The following KHDRBS2 variants were observed in gnomAD, a reference collection of about 807,000 sequenced individuals.
KHDRBS2 encodes the protein KH domain-containing, RNA-binding, signal transduction-associated protein 2.
In KHDRBS2, 26 loss-of-function variants were observed where a neutral mutation model predicts 44.3. The ratio of observed to expected loss-of-function variants is 0.59; its 90% confidence interval spans 0.43 to 0.81. KHDRBS2 has a LOEUF of 0.81. Among genes scored for constraint, KHDRBS2 ranks in the 40% least tolerant of loss-of-function variants. The pLI is 0.00. For synonymous variants in KHDRBS2, 194 were observed against 151.1 expected, an observed-to-expected ratio of 1.28 and a Z score of -2.08; for missense variants, 476 against 433.1, an observed-to-expected ratio of 1.10 and a Z score of -0.88.
the KHDRBS2 span, among the ~76,000 whole-genome samples, chr6:61,666,345 G>T: frequency 9.3e-5 from 14 of 151,240 alleles, no homozygotes; most frequent in Non-Finnish European, 2.1e-4. Context: ...TAGTATTTTT[G>T]CTGTGGACAT....
chr6:61,830,497 G>T (rs540748726), intron 6 of KHDRBS2, among the ~76,000 whole-genome samples: 1 of 152,348 alleles, frequency 6.6e-6, no homozygotes, highest in African/African-American at 2.4e-5. Context: ...ATGTGATAAA[G>T]AGAGATGAAT....
intron 2 of KHDRBS2, among the ~76,000 whole-genome samples, chr6:62,065,006 A>T (rs1468562183): frequency 6.6e-6 from 1 of 152,200 alleles, no homozygotes; most frequent in East Asian, 1.9e-4. Context: ...GAAGACATTT[A>T]TGCAGCCAAA....
chr6:62,057,030 G>C (rs1218029460), intron 2 of KHDRBS2, among the ~76,000 whole-genome samples: 1 of 151,944 alleles, frequency 6.6e-6, no homozygotes, highest in Non-Finnish European at 1.5e-5. Flanking sequence ...AGAACACGAA[G>C]AGCCAGTAGA....
intron 2 of KHDRBS2, among the ~76,000 whole-genome samples, chr6:62,088,879 C>A (rs1798941730): frequency 6.6e-6 from 1 of 152,132 alleles, no homozygotes; most frequent in Admixed American, 6.5e-5. Context: ...CTATAAGCCC[C>A]TGACTGGTGC....
intron 3 of KHDRBS2, among the ~76,000 whole-genome samples, chr6:62,006,600 A>G (rs1207993345): frequency 6.6e-6 from 1 of 152,036 alleles, no homozygotes; most frequent in Admixed American, 6.6e-5. Context: ...TCAGCTAACA[A>G]TAATAAAGTA....
the KHDRBS2 span, among the ~76,000 whole-genome samples, chr6:61,576,170 C>T: frequency 3.1e-3 from 436 of 142,312 alleles, 2 homozygotes; most frequent in African/African-American, 8.3e-3. Flanking sequence ...GAAATTGCCT[C>T]GGGCAGTATG....
chr6:61,762,742 T>C (rs7755780), intron 6 of KHDRBS2, among the ~76,000 whole-genome samples: 54,642 of 152,104 alleles, frequency 0.36, 10,521 homozygotes, highest in East Asian at 0.48. Flanking sequence ...AGTAACGGCA[T>C]GGTTTCACAC....
intron 3 of KHDRBS2, among the ~76,000 whole-genome samples, chr6:62,014,915 C>T (rs1298168133): frequency 6.6e-6 from 1 of 152,066 alleles, no homozygotes. Flanking sequence ...ATTCTTAATA[C>T]ACAAAGATAT....
In KHDRBS2 at chr6:61,732,392, T is replaced by TA. The variant is rs564781216; in HGVS notation, c.893+289dup. Among the ~76,000 whole-genome samples, 8 of 152,182 alleles carry TA rather than the reference T, an allele frequency of 5.3e-5. 1 individual carries two copies. In the South Asian group the frequency reaches 6.2e-4, roughly 12 times the overall value. ...GTGCCTTACTTTTATTATTGTCTTT[T>TA]AAAAAAATCTAAAAATAACATTTAG... On this transcript the variant is annotated intron_variant, in intron 7 of 8. Coordinates refer to ENST00000281156, the MANE Select transcript of KHDRBS2 (RefSeq NM_152688.4).
At chr6:61,890,006 C>T (rs1801576185) in intron 6 of KHDRBS2, among the ~76,000 whole-genome samples, 1 of 152,192 alleles carries the variant, frequency 6.6e-6, no homozygotes, top group South Asian at 2.1e-4. Flanking sequence ...CCTAACTGCC[C>T]ATTTTCTGGA....
intron 2 of KHDRBS2, among the ~76,000 whole-genome samples, chr6:62,118,205 C>T (rs1176515031): frequency 6.6e-6 from 1 of 152,164 alleles, no homozygotes; most frequent in Admixed American, 6.5e-5. Context: ...ACTTGACAAT[C>T]AATTTGTGGA....
chr6:61,909,889 C>T (rs1184125426), intron 4 of KHDRBS2, among the ~76,000 whole-genome samples: 1 of 152,176 alleles, frequency 6.6e-6, no homozygotes, highest in Admixed American at 6.5e-5. Context: ...TCTGAGGATA[C>T]AATGGACGCT....
intron 1 of KHDRBS2, among the ~76,000 whole-genome samples, chr6:62,233,648 AC>A: frequency 6.6e-6 from 1 of 151,498 alleles, no homozygotes; most frequent in South Asian, 2.1e-4. Flanking sequence ...CCCACCCTCC[AC>A]CCTCTGATTG....
At chr6:62,117,716 C>T (rs1806607471) in intron 2 of KHDRBS2, among the ~76,000 whole-genome samples, 3 of 151,948 alleles carry the variant, frequency 2.0e-5, no homozygotes, top group Non-Finnish European at 2.9e-5. Context: ...CCAATATTTT[C>T]TTCTAGTATT....
At chr6:62,003,356 G>T (rs1393087133) in intron 3 of KHDRBS2, among the ~76,000 whole-genome samples, 1 of 151,896 alleles carries the variant, frequency 6.6e-6, no homozygotes, top group Non-Finnish European at 1.5e-5. Flanking sequence ...TATATTTTAG[G>T]ACAAAATCAT....
chr6:61,894,307 C>T (rs1802517508), intron 6 of KHDRBS2, among the ~76,000 whole-genome samples: 1 of 152,062 alleles, frequency 6.6e-6, no homozygotes, highest in Admixed American at 6.5e-5. Context: ...TAATCTTTGT[C>T]AAGTTCCAGA....
At position 61,946,979 on chromosome 6, in the gene KHDRBS2, C is replaced by A. The variant is rs551950472; in HGVS notation, c.483+31087G>T. On this transcript the variant is annotated intron_variant, in intron 4 of 8. Coordinates refer to ENST00000281156, the MANE Select transcript of KHDRBS2 (RefSeq NM_152688.4). Reference sequence around the variant, plus strand: ...AGAAAAGAAAGAAAAGGATCTTGGGCGGGCAAATGGATAAAAATCCAACAG... The same window carrying A: ...AGAAAAGAAAGAAAAGGATCTTGGGAGGGCAAATGGATAAAAATCCAACAG... Among the ~76,000 whole-genome samples, 29 of 152,174 alleles carry A rather than the reference C, an allele frequency of 1.9e-4. No homozygotes were observed. The South Asian group carries it at 3.9e-3, about 21-fold the overall frequency.
the KHDRBS2 span, among the ~76,000 whole-genome samples, chr6:61,591,368 C>T: frequency 0.33 from 50,691 of 151,796 alleles, 9,434 homozygotes; most frequent in East Asian, 0.49. Context: ...CATTAGAAAA[C>T]CAAAACCATT....
chr6:61,964,249 G>A (rs910447320), intron 4 of KHDRBS2, among the ~76,000 whole-genome samples: 1 of 151,974 alleles, frequency 6.6e-6, no homozygotes, highest in Non-Finnish European at 1.5e-5. Flanking sequence ...TGTTGTAGAA[G>A]AATTTCTGGC....
Sources: gnomAD v4.1 joint callset for allele counts (sites outside exome capture counted in the v4.1 genomes callset) on GRCh38, gnomAD v4.1.1 for gene constraint, MANE v1.5 for transcripts, NCBI Gene and HGNC (gene_info 2026-07-23, HGNC 2026-07-21) for gene names.